The following TTC6 variants were observed in gnomAD, a reference collection of about 807,000 sequenced individuals.
TTC6 encodes the protein tetratricopeptide repeat domain 6.
In TTC6, 172 loss-of-function variants were observed where a neutral mutation model predicts 210.4. The ratio of observed to expected loss-of-function variants is 0.82; its 90% confidence interval spans 0.72 to 0.93. The LOEUF (loss-of-function observed/expected upper bound fraction) is 0.93. Ranked by LOEUF, TTC6 falls within the 40% of genes least tolerant of loss-of-function variation. The pLI is 0.00. For synonymous variants in TTC6, 804 were observed against 819.6 expected, an observed-to-expected ratio of 0.98 and a Z score of 0.32; for missense variants, 2,414 against 2,318.1, an observed-to-expected ratio of 1.04 and a Z score of -0.85.
intron 20 of TTC6, among the ~76,000 whole-genome samples, chr14:37,798,269 C>T (rs948624230): frequency 2.0e-5 from 3 of 151,978 alleles, no homozygotes; most frequent in African/African-American, 7.2e-5. Flanking sequence ...AGTTTATGAT[C>T]AGAATGATGT....
intron 14 of TTC6, among the ~76,000 whole-genome samples, chr14:37,775,785 A>G (rs977198031): frequency 1.3e-5 from 2 of 152,168 alleles, no homozygotes; most frequent in African/African-American, 4.8e-5. Context: ...AACTTGCTTT[A>G]TGAATCTAGG....
chr14:37,759,170 G>A (rs1004148755), intron 14 of TTC6, among the ~76,000 whole-genome samples: 5 of 151,740 alleles, frequency 3.3e-5, no homozygotes, highest in African/African-American at 1.2e-4. Flanking sequence ...GGCTGAGGCA[G>A]GAGAATCGCT....
At chr14:37,707,268 T>C (rs1283565393) in intron 5 of TTC6, among the ~76,000 whole-genome samples, 1 of 152,036 alleles carries the variant, frequency 6.6e-6, no homozygotes, top group Non-Finnish European at 1.5e-5. Context: ...TGGGGGTACA[T>C]GGAAAGCTCT....
intron 14 of TTC6, among the ~76,000 whole-genome samples, chr14:37,770,473 G>C (rs2096014438): frequency 6.6e-6 from 1 of 151,494 alleles, no homozygotes; most frequent in Non-Finnish European, 1.5e-5. Context: ...CTTGCTTTAT[G>C]AATCTGGGTG....
intron 1 of TTC6, among the ~76,000 whole-genome samples, chr14:37,633,743 C>A (rs918555678): frequency 2.6e-5 from 4 of 152,208 alleles, no homozygotes; most frequent in African/African-American, 9.6e-5. Flanking sequence ...CTCCCTCTTC[C>A]CTCTGGTGTC....
At chr14:37,765,307 T>C (rs1264340362) in intron 14 of TTC6, among the ~76,000 whole-genome samples, 1 of 150,350 alleles carries the variant, frequency 6.7e-6, no homozygotes, top group African/African-American at 2.4e-5. Flanking sequence ...GGACTATAGG[T>C]GCACACCACC....
chr14:37,646,380 C>T (rs1463458997), intron 1 of TTC6, among the ~76,000 whole-genome samples: 1 of 152,096 alleles, frequency 6.6e-6, no homozygotes, highest in Non-Finnish European at 1.5e-5. Context: ...CCTGAAATCT[C>T]AACACATCAG....
rs78127889 is a variant in TTC6 at position 37,765,248 on chromosome 14, G to T, written c.3266+12013G>T. ...TGCAATCACAGCTTACTACAGTCTT[G>T]AACTCCTAGGCTCAAGTGATCCTCC... On this transcript the variant is annotated intron_variant, in intron 14 of 30. Coordinates refer to ENST00000553443, the Ensembl canonical transcript of TTC6. 4.9e-3 allele frequency among the ~76,000 whole-genome samples: 746 copies of T among 151,338 alleles called. 16 individuals carry two copies. The East Asian group carries it at 0.068, about 14-fold the overall frequency.
At chr14:37,657,813 G>A (rs188358807) in intron 1 of TTC6, among the ~76,000 whole-genome samples, 177 of 152,248 alleles carry the variant, frequency 1.2e-3, no homozygotes, top group African/African-American at 4.0e-3. Context: ...GATAAAATCA[G>A]CATAGCCCAT....
intron 1 of TTC6, among the ~76,000 whole-genome samples, chr14:37,655,468 G>A (rs1345307443): frequency 6.6e-6 from 1 of 152,124 alleles, no homozygotes; most frequent in Admixed American, 6.5e-5. Context: ...AATTTATGGG[G>A]TACAAGCAGC....
intron 2 of TTC6, among the ~76,000 whole-genome samples, 157 bp downstream of exon 4, chr14:37,680,418 T>G (rs375521449): frequency 1.1e-4 from 16 of 152,054 alleles, no homozygotes; most frequent in African/African-American, 3.4e-4. Context: ...ACACTGGGAG[T>G]CTTGGCCATT....
At chr14:37,614,285 T>C (rs1209609136) in intron 2 of TTC6, among the ~76,000 whole-genome samples, 1 of 152,212 alleles carries the variant, frequency 6.6e-6, no homozygotes, top group Non-Finnish European at 1.5e-5. Flanking sequence ...ACAATATACC[T>C]TCTTAACATT....
At chr14:37,643,487 G>A (rs2095696026) in intron 1 of TTC6, among the ~76,000 whole-genome samples, 1 of 152,176 alleles carries the variant, frequency 6.6e-6, no homozygotes, top group South Asian at 2.1e-4. Flanking sequence ...TGCTTTGGAT[G>A]TTATTTAAGG....
intron 3 of TTC6, among the ~76,000 whole-genome samples, chr14:37,687,031 G>T (rs1254718363): frequency 6.6e-6 from 1 of 152,094 alleles, no homozygotes; most frequent in Non-Finnish European, 1.5e-5. Context: ...CAGTAAACCA[G>T]GACACAGAAC....
chr14:37,707,539 A>G (rs1419830411), intron 5 of TTC6, among the ~76,000 whole-genome samples: 1 of 151,994 alleles, frequency 6.6e-6, no homozygotes, highest in Admixed American at 6.6e-5. Flanking sequence ...CTGCTATGGC[A>G]TTTACAGATT....
At chr14:37,604,111 C>T (rs2095620818) in intron 1 of TTC6, among the ~76,000 whole-genome samples, 1 of 152,192 alleles carries the variant, frequency 6.6e-6, no homozygotes, top group Non-Finnish European at 1.5e-5. Context: ...TGCATGTTGT[C>T]ACCATTCTCT....
At chr14:37,759,289 A>G (rs1463773545) in intron 14 of TTC6, among the ~76,000 whole-genome samples, 1 of 151,918 alleles carries the variant, frequency 6.6e-6, no homozygotes, top group African/African-American at 2.4e-5. Flanking sequence ...AAAAAGAAAA[A>G]AAAGAAAGTT....
intron 14 of TTC6, among the ~76,000 whole-genome samples, chr14:37,777,068 T>C (rs529286884): frequency 1.3e-5 from 2 of 152,302 alleles, no homozygotes; most frequent in East Asian, 1.9e-4. Context: ...CTGATGACTA[T>C]GTGTCTTGGG....
upstream of TTC6, among the ~76,000 whole-genome samples, chr14:37,621,524 G>C (rs1051734025): frequency 6.6e-6 from 1 of 152,138 alleles, no homozygotes; most frequent in African/African-American, 2.4e-5. Context: ...TGGGAGGATC[G>C]CTTGAGCCCA....
Sources: allele counts gnomAD v4.1 joint callset (sites outside exome capture counted in the v4.1 genomes callset), GRCh38; gene constraint gnomAD v4.1.1; transcripts MANE v1.5; gene names NCBI Gene and HGNC (gene_info 2026-07-23, HGNC 2026-07-21).